The following SPTBN1 variants were observed in gnomAD, a reference collection of about 807,000 sequenced individuals.
The protein encoded by SPTBN1 is spectrin beta chain, non-erythrocytic 1.
A neutral mutation model predicts 266.4 loss-of-function variants in SPTBN1; 32 were observed. The ratio of observed to expected loss-of-function variants is 0.12; its 90% CI spans 0.09 to 0.16. The LOEUF is 0.16. Among genes scored for constraint, SPTBN1 ranks in the 10% least tolerant of loss-of-function variants. The pLI is 1.00. For missense variants in SPTBN1, 2,296 were observed against 3,067.1 expected (o/e 0.75, Z 5.94); for synonymous variants, 1,336 against 1,162.2 (o/e 1.15, Z -3.04).
At chr2:54,552,178 G>C (rs1672611790) in intron 2 of SPTBN1, among the ~76,000 whole-genome samples, 1 of 152,214 alleles carries the variant, frequency 6.6e-6, no homozygotes, top group Non-Finnish European at 1.5e-5. Flanking sequence ...TCGTGCAGCT[G>C]ATAGCTTCCT....
intron 4 of SPTBN1, among the ~76,000 whole-genome samples, chr2:54,615,729 A>G (rs571302920): frequency 6.6e-6 from 1 of 152,020 alleles, no homozygotes; most frequent in East Asian, 1.9e-4. Flanking sequence ...TGAGCGGCTT[A>G]TGAAGGCACA....
intron 1 of SPTBN1, among the ~76,000 whole-genome samples, chr2:54,525,157 A>C (rs866856558): frequency 6.6e-6 from 1 of 152,202 alleles, no homozygotes; most frequent in Middle Eastern, 3.2e-3. Flanking sequence ...AGCTGTGTTT[A>C]AAGCTTATCA....
In SPTBN1 at chr2:54,629,874, G is replaced by A. The variant is rs4258834; in HGVS notation, c.2670-18G>A. On this transcript the variant is annotated intron_variant, in intron 14 of 35. Coordinates refer to ENST00000356805, the MANE Select transcript of SPTBN1 (RefSeq NM_003128.3). Reference sequence around the variant, plus strand: ...CAGTGGCCCAGGAGGTGACCACCCTGTCAAATTGCCATTTCAGATTTGAGA... The same window carrying A: ...CAGTGGCCCAGGAGGTGACCACCCTATCAAATTGCCATTTCAGATTTGAGA... The A allele has an allele frequency of 0.043, 68,614 of 1,613,928 alleles. 1,834 individuals are homozygous for A. Among genetic ancestry groups the A allele is most frequent in the Admixed American group, 0.11 (6,807 of 60,026 alleles).
chr2:54,504,760 T>G (rs1480552766), intron 1 of SPTBN1, among the ~76,000 whole-genome samples: 2 of 148,346 alleles, frequency 1.3e-5, no homozygotes, highest in South Asian at 2.1e-4. Context: ...AATTAAAAGG[T>G]TTTTTTTTTA....
intron 1 of SPTBN1, among the ~76,000 whole-genome samples, chr2:54,496,436 T>A (rs1279283329): frequency 9.1e-6 from 1 of 109,290 alleles, no homozygotes; most frequent in Admixed American, 9.1e-5. Context: ...ATACTCCGTG[T>A]CTTAAAAAAA....
intron 2 of SPTBN1, among the ~76,000 whole-genome samples, chr2:54,582,848 CTG>C (rs1421070734): frequency 5.3e-5 from 8 of 152,234 alleles, no homozygotes; most frequent in Admixed American, 3.9e-4. Context: ...TGCTTCGTGA[CTG>C]TGGGCAAATA....
intron 2 of SPTBN1, among the ~76,000 whole-genome samples, chr2:54,531,441 A>G (rs1035964821): frequency 6.6e-6 from 1 of 152,084 alleles, no homozygotes; most frequent in East Asian, 1.9e-4. Context: ...TTGTTTGTTT[A>G]GAAATGGGGT....
chr2:54,459,995 G>A (rs1251023757), intron 1 of SPTBN1, among the ~76,000 whole-genome samples: 1 of 152,114 alleles, frequency 6.6e-6, no homozygotes. Flanking sequence ...ACACCAATTA[G>A]ATATACCTGT....
chr2:54,493,231 C>T (rs1359908792), intron 1 of SPTBN1, among the ~76,000 whole-genome samples: 1 of 151,932 alleles, frequency 6.6e-6, no homozygotes, highest in Non-Finnish European at 1.5e-5. Context: ...GTCTCAAACT[C>T]CTGGGCTTCA....
intron 2 of SPTBN1, among the ~76,000 whole-genome samples, chr2:54,574,710 G>A (rs1398488565): frequency 6.6e-6 from 1 of 152,164 alleles, no homozygotes; most frequent in East Asian, 1.9e-4. Flanking sequence ...GATCAGTGCA[G>A]TCTGGTTTGG....
chr2:54,588,147 G>T (rs532183144), intron 2 of SPTBN1, among the ~76,000 whole-genome samples: 1 of 152,226 alleles, frequency 6.6e-6, no homozygotes, highest in African/African-American at 2.4e-5. Context: ...GTTAGGCTTT[G>T]TGGGCCACAT....
chr2:54,599,288 T>C (rs1314016929), intron 3 of SPTBN1, 45 bp downstream of exon 3: 1 of 1,596,378 alleles, frequency 6.3e-7, no homozygotes, highest in Non-Finnish European at 8.5e-7. Flanking sequence ...AGGTGGAAAA[T>C]ATTTTTGAAA....
At chr2:54,492,928 C>G (rs114005541) in intron 1 of SPTBN1, among the ~76,000 whole-genome samples, 1,790 of 151,456 alleles carry the variant, frequency 0.012, 32 homozygotes, top group African/African-American at 0.041. Flanking sequence ...AATATGTCTG[C>G]AGAATATTGA....
intron 2 of SPTBN1, among the ~76,000 whole-genome samples, chr2:54,593,224 C>G (rs1431810942): frequency 6.6e-6 from 1 of 152,056 alleles, no homozygotes; most frequent in Non-Finnish European, 1.5e-5. Context: ...GTTGGGTCTT[C>G]ACACTCAGAA....
rs2103756493 is a variant in SPTBN1, at chr2:54,456,475, G to A, written c.-91G>A. On this transcript the variant is annotated 5_prime_UTR_variant, in exon 1 of 36. Coordinates refer to ENST00000356805, the MANE Select transcript of SPTBN1 (RefSeq NM_003128.3). ...CCCACCCGCCCGGCCGCCGAGGAGC[G>A]GGAGGAGGACGGGACCCCGGCGCCC... 1.3e-5 allele frequency: 2 copies of A among 152,110 alleles called. No homozygotes were observed. Among genetic ancestry groups the A allele is most frequent in the South Asian group, 4.1e-4 (2 of 4,826 alleles). 9.4% of individuals were successfully genotyped at this position (152,110 alleles called of 1,614,324 possible). A position where few individuals can be genotyped will look rare whatever the true frequency, so the allele number is the denominator to read the frequency against.
At chr2:54,582,073 G>C (rs1674953267) in intron 2 of SPTBN1, among the ~76,000 whole-genome samples, 1 of 152,152 alleles carries the variant, frequency 6.6e-6, no homozygotes, top group Non-Finnish European at 1.5e-5. Flanking sequence ...CTGGTTATGT[G>C]TAACTTGAAC....
chr2:54,505,372 A>G (rs115538187), intron 1 of SPTBN1, among the ~76,000 whole-genome samples: 89 of 152,310 alleles, frequency 5.8e-4, no homozygotes, highest in Middle Eastern at 3.4e-3. Context: ...TTAACAGGTC[A>G]TTATTTAAAC....
rs1050933882 is a variant in SPTBN1, at chr2:54,669,369, T to C, written c.*800T>C. On this transcript the variant is annotated 3_prime_UTR_variant, in exon 36 of 36. Transcript: ENST00000356805. Reference sequence around the variant, plus strand: ...GTGTACAAGTGGTGGAACTGAAGCATTTACTGGACAAAGTAATGTTACTCT... The same window carrying C: ...GTGTACAAGTGGTGGAACTGAAGCACTTACTGGACAAAGTAATGTTACTCT... 3.3e-5 allele frequency: 5 copies of C among 152,604 alleles called. No individual in the cohort carries two copies. The highest frequency in any genetic ancestry group is 7.3e-5 in the Non-Finnish European group (5 of 68,038). The allele number at this position is 152,604 out of a possible 1,614,324, so 9.5% of individuals were successfully genotyped here. A position where few individuals can be genotyped will look rare whatever the true frequency, so the allele number is the denominator to read the frequency against.
At chr2:54,473,747 G>A (rs10210067) in intron 1 of SPTBN1, among the ~76,000 whole-genome samples, 9,991 of 152,098 alleles carry the variant, frequency 0.066, 568 homozygotes, top group African/African-American at 0.13. Context: ...CGATAAGCAG[G>A]CAAAAAGTTA....
Sources: gnomAD v4.1 joint callset for allele counts (sites outside exome capture counted in the v4.1 genomes callset) on GRCh38, gnomAD v4.1.1 for gene constraint, MANE v1.5 for transcripts, NCBI Gene and HGNC (gene_info 2026-07-23, HGNC 2026-07-21) for gene names.